ANKRD30A: variants seen among roughly 807,000 people sequenced by gnomAD.
ANKRD30A encodes ankyrin repeat domain-containing protein 30A.
Under a neutral mutation model 166.3 loss-of-function variants are expected in ANKRD30A, and 170 were observed. The observed-to-expected ratio is 1.02, with a 90% CI of 0.90 to 1.16. ANKRD30A has a LOEUF of 1.16. Ranked by LOEUF, ANKRD30A falls within the 50% of genes most tolerant of loss-of-function variation. The pLI is 0.00. For synonymous variants in ANKRD30A, 564 were observed against 508.9 expected (o/e 1.11, Z -1.46); for missense variants, 1,630 against 1,518.0 (o/e 1.07, Z -1.23).
chr10:37,172,160 G>A (rs1201827), intron 21 of ANKRD30A, among the ~76,000 whole-genome samples: 55,911 of 83,722 alleles, frequency 0.67, 20,469 homozygotes, highest in African/African-American at 0.91. Context: ...CCTGACTAAC[G>A]CGGTGAAACC....
At chr10:37,209,569 C>CTGCAGCAAAT (rs1842170899) in intron 31 of ANKRD30A, among the ~76,000 whole-genome samples, 1 of 152,128 alleles carries the variant, frequency 6.6e-6, no homozygotes, top group Non-Finnish European at 1.5e-5. Flanking sequence ...CCAAGCTTTA[C>CTGCAGCAAAT]TGCCAACATT....
chr10:37,155,040 A>G (rs17606328), intron 13 of ANKRD30A, among the ~76,000 whole-genome samples: 2 of 152,208 alleles, frequency 1.3e-5, no homozygotes, highest in Admixed American at 6.5e-5. Context: ...GCCATTTTAT[A>G]AAACCTCATT....
At chr10:37,254,981 C>T in the ANKRD30A span, among the ~76,000 whole-genome samples, 3 of 152,028 alleles carry the variant, frequency 2.0e-5, no homozygotes, top group Admixed American at 2.0e-4. Flanking sequence ...TGCGCCCGGC[C>T]CTCTCCTTTT....
chr10:37,208,090 T>C (rs1458261691), intron 31 of ANKRD30A, among the ~76,000 whole-genome samples: 1 of 152,032 alleles, frequency 6.6e-6, no homozygotes, highest in Non-Finnish European at 1.5e-5. Context: ...TCATACGAGC[T>C]CTTTATGAGT....
At chr10:37,204,435 A>G (rs946463087) in intron 31 of ANKRD30A, among the ~76,000 whole-genome samples, 1 of 152,196 alleles carries the variant, frequency 6.6e-6, no homozygotes, top group African/African-American at 2.4e-5. Flanking sequence ...CTGAAACTGG[A>G]TCCCTTCCTT....
chr10:37,179,381 T>C (rs1437375198), intron 24 of ANKRD30A, among the ~76,000 whole-genome samples: 1 of 151,044 alleles, frequency 6.6e-6, no homozygotes, highest in African/African-American at 2.4e-5. Context: ...GAAAGCTTAT[T>C]AAATTTGCTA....
intron 18 of ANKRD30A, among the ~76,000 whole-genome samples, chr10:37,166,033 C>G (rs115410779): frequency 0.01 from 1,541 of 152,154 alleles, 37 homozygotes; most frequent in African/African-American, 0.035. Context: ...CACTTTTTCT[C>G]TCACCAAAAA....
intron 31 of ANKRD30A, among the ~76,000 whole-genome samples, chr10:37,212,533 G>A (rs1016433902): frequency 6.6e-6 from 1 of 152,064 alleles, no homozygotes. Context: ...AAGTTCATAT[G>A]GAACCAAAAA....
downstream of ANKRD30A, chr10:37,232,684 ATATAT>A (rs1843480719): frequency 4.8e-4 from 4 of 8,320 alleles, no homozygotes; most frequent in African/African-American, 6.9e-4. Context: ...ATATATATAT[ATATAT>A]ATATAAATAG....
chr10:37,254,639 AT>A, the ANKRD30A span, among the ~76,000 whole-genome samples: 1 of 141,652 alleles, frequency 7.1e-6, no homozygotes, highest in Non-Finnish European at 1.6e-5. Flanking sequence ...ATTTGCAAAC[AT>A]TTTCTCCACT....
chr10:37,243,163 C>T, the ANKRD30A span, among the ~76,000 whole-genome samples: 1 of 140,532 alleles, frequency 7.1e-6, no homozygotes, highest in East Asian at 2.1e-4. Flanking sequence ...GAGACGGAGT[C>T]TCGCTCTGTC....
the ANKRD30A span, among the ~76,000 whole-genome samples, chr10:37,254,140 T>C: frequency 1.3e-5 from 2 of 152,224 alleles, no homozygotes; most frequent in African/African-American, 4.8e-5. Context: ...TATTTTAGGC[T>C]ATTATTAATA....
In ANKRD30A at chr10:37,130,215, G is replaced by A. The variant is rs1290653633; in HGVS notation, c.347G>A (p.Cys116Tyr). The A allele has an allele frequency of 5.0e-6, 8 of 1,589,466 alleles. No individual in the cohort carries two copies. Among genetic ancestry groups the A allele is most frequent in the Non-Finnish European group, 6.8e-6 (8 of 1,169,512 alleles). Residue 116 changes from cysteine (C) to tyrosine (Y), a missense_variant, in exon 3 of 36, where the codon TGC becomes TAC. Cys to Tyr is a radical substitution (Grantham distance 194). Transcript: ENST00000361713. The stretch of plus-strand genomic sequence containing the variant: ...CTTTAATACTGACAGGCTCTACAAT[G>A]CCATCAGGAGGCTTGTGCAAATATT... The part of the protein sequence containing the change: ...HRTPLMKALQ[C>Y]HQEACANILI...
rs2132506821 is a variant in ANKRD30A, at chr10:37,130,340, C to G, written c.472C>G (p.Leu158Val). ...YSEILSVVAK[L>V]LSHGAVIEVH... is the part of the protein sequence containing the mutation. ...TGAGATTTTGTCAGTGGTGGCAAAA[C>G]TGCTGTCCCATGGTGCAGTCATCGA... Residue 158 changes from leucine to valine, a missense_variant, in exon 3 of 36, where the codon CTG becomes GTG. Leu to Val is a conservative substitution (Grantham distance 32). This residue lies in a region of ANKRD30A where 904 missense variants were observed against 818.5 expected (regional missense o/e 1.10). Coordinates refer to ENST00000361713, the MANE Select transcript of ANKRD30A (RefSeq NM_052997.3). 1 of 1,575,420 alleles carries G rather than the reference C, an allele frequency of 6.3e-7. No individual in the cohort carries two copies. The highest frequency in any genetic ancestry group is 1.4e-5 in the African/African-American group (1 of 72,278).
intron 34 of ANKRD30A, among the ~76,000 whole-genome samples, chr10:37,222,870 A>C (rs887174802): frequency 6.6e-6 from 1 of 151,484 alleles, no homozygotes; most frequent in Non-Finnish European, 1.5e-5. Flanking sequence ...ATCATGTCTT[A>C]TTATAAATTT....
intron 31 of ANKRD30A, among the ~76,000 whole-genome samples, chr10:37,207,491 A>G (rs1842061519): frequency 6.6e-6 from 1 of 151,630 alleles, no homozygotes; most frequent in Admixed American, 6.6e-5. Flanking sequence ...AAAATTTTAA[A>G]CTCAATGTTT....
At chr10:37,192,351 G>A (rs1302948951) in intron 25 of ANKRD30A, among the ~76,000 whole-genome samples, 2 of 151,992 alleles carry the variant, frequency 1.3e-5, no homozygotes, top group Non-Finnish European at 2.9e-5. Flanking sequence ...GCCTGTATTG[G>A]TTTGTTGATG....
chr10:37,233,800 G>C (rs186450466), downstream of ANKRD30A, among the ~76,000 whole-genome samples: 1 of 152,094 alleles, frequency 6.6e-6, no homozygotes, highest in Admixed American at 6.6e-5. Flanking sequence ...ACTTTGAGAG[G>C]TGGCACAGAT....
intron 30 of ANKRD30A, among the ~76,000 whole-genome samples, chr10:37,200,167 G>GA (rs1487603500): frequency 6.6e-6 from 1 of 152,000 alleles, no homozygotes; most frequent in African/African-American, 2.4e-5. Flanking sequence ...TGGATTCATA[G>GA]AGAGACAGTT....
Sources: gnomAD v4.1 joint callset for allele counts (sites outside exome capture counted in the v4.1 genomes callset) on GRCh38, gnomAD v4.1.1 for gene constraint, gnomAD v4.1.1 regional missense constraint, MANE v1.5 for transcripts, NCBI Gene and HGNC (gene_info 2026-07-23, HGNC 2026-07-21) for gene names.